AKAP13: variants seen among roughly 807,000 people sequenced by gnomAD.
The protein encoded by AKAP13 is A-kinase anchoring protein 13.
Under a neutral mutation model 264.5 loss-of-function variants are expected in AKAP13, and 80 were observed. The observed-to-expected ratio is 0.30, with a 90% CI of 0.25 to 0.36. AKAP13 has a LOEUF of 0.36. Among genes scored for constraint, AKAP13 ranks in the 10% least tolerant of loss-of-function variants. AKAP13 has a pLI of 1.00. For synonymous variants in AKAP13, 1,380 were observed against 1,250.2 expected, an observed-to-expected ratio of 1.10 and a Z score of -2.19; for missense variants, 3,712 against 3,435.2, an observed-to-expected ratio of 1.08 and a Z score of -2.01.
At chr15:85,406,703 C>T (rs1010371422) in intron 1 of AKAP13, among the ~76,000 whole-genome samples, 1 of 151,610 alleles carries the variant, frequency 6.6e-6, no homozygotes, top group Non-Finnish European at 1.5e-5. Context: ...TTTTAGGAGA[C>T]ATGAATTGGC....
At chr15:85,385,851 A>G (rs1465423235) in intron 1 of AKAP13, among the ~76,000 whole-genome samples, 5 of 152,020 alleles carry the variant, frequency 3.3e-5, no homozygotes, top group African/African-American at 4.8e-5. Flanking sequence ...TTCGAGATGG[A>G]GTTTGGCTCT....
rs549443606 is a variant in AKAP13, at chr15:85,404,856, G to C, written c.-12+24058G>C. On this transcript the variant is annotated intron_variant, in intron 1 of 36. Transcript: ENST00000394518. ...TTAATTTGCCTTTGTTTGACAAATT[G>C]TTACTATCTTTAAAGTTATTTTGCC... Among the ~76,000 whole-genome samples, 3 of 152,306 alleles carry C rather than the reference G, an allele frequency of 2.0e-5. No homozygotes were observed. In the South Asian group the frequency reaches 6.2e-4, roughly 32 times the overall value.
intron 35 of AKAP13, among the ~76,000 whole-genome samples, chr15:85,741,716 ACAAAC>A (rs1357712467): frequency 1.3e-5 from 1 of 78,404 alleles, no homozygotes. Context: ...AAAAAAAAAA[ACAAAC>A]AAACAAACAA....
chr15:85,642,457 A>G (rs534748849), intron 9 of AKAP13, among the ~76,000 whole-genome samples: 14 of 152,378 alleles, frequency 9.2e-5, no homozygotes, highest in Middle Eastern at 3.4e-3. Flanking sequence ...ATAGGAAGAA[A>G]GAAAAGATTT....
intron 1 of AKAP13, among the ~76,000 whole-genome samples, chr15:85,394,696 T>A (rs908962160): frequency 6.5e-4 from 99 of 152,252 alleles, no homozygotes; most frequent in African/African-American, 2.3e-3. Flanking sequence ...TAGTCCCAAT[T>A]TAGCTGGGTT....
At chr15:85,425,434 G>C (rs903473777) in intron 1 of AKAP13, among the ~76,000 whole-genome samples, 8 of 152,070 alleles carry the variant, frequency 5.3e-5, no homozygotes, top group African/African-American at 1.9e-4. Context: ...TTATACTAGA[G>C]GCTGGTCCTG....
At chr15:85,734,875 C>T in intron 30 of AKAP13, 117 bp from the exon 31 acceptor site, 2 of 1,361,176 alleles carry the variant, frequency 1.5e-6, no homozygotes, top group South Asian at 1.4e-5. Context: ...AGGAACTCAC[C>T]CAGTCACTCT....
chr15:85,677,080 G>T (rs957658195), intron 14 of AKAP13: 2 of 985,278 alleles, frequency 2.0e-6, no homozygotes, highest in Non-Finnish European at 2.4e-6. Flanking sequence ...TTCGAGTGAT[G>T]AGGAGGAGGA....
At chr15:85,692,686 T>A (rs1311276147) in intron 16 of AKAP13, among the ~76,000 whole-genome samples, 1 of 152,202 alleles carries the variant, frequency 6.6e-6, no homozygotes, top group East Asian at 1.9e-4. Context: ...AAAATTCTAA[T>A]TAGCAGAAAC....
intron 5 of AKAP13, among the ~76,000 whole-genome samples, chr15:85,573,011 A>G (rs1453763832): frequency 6.6e-6 from 1 of 152,140 alleles, no homozygotes; most frequent in African/African-American, 2.4e-5. Context: ...ATCCTTTTTT[A>G]TGGCTGCTAC....
intron 26 of AKAP13, chr15:85,726,008 C>A (rs534848449): frequency 3.9e-5 from 6 of 155,460 alleles, no homozygotes; most frequent in African/African-American, 1.4e-4. Flanking sequence ...AATTAGAAGT[C>A]GAAAAATATT....
intron 8 of AKAP13, among the ~76,000 whole-genome samples, chr15:85,625,405 AG>A (rs2081364094): frequency 6.6e-6 from 1 of 152,230 alleles, no homozygotes; most frequent in Non-Finnish European, 1.5e-5. Context: ...GCCTAGTCTC[AG>A]AACTGACTGA....
chr15:85,577,265 T>C (rs1272589146), intron 6 of AKAP13, among the ~76,000 whole-genome samples: 1 of 152,122 alleles, frequency 6.6e-6, no homozygotes, highest in African/African-American at 2.4e-5. Context: ...ACTGAGTGAG[T>C]AGGTGAATGA....
chr15:85,518,013 A>T (rs2076671734), intron 2 of AKAP13, among the ~76,000 whole-genome samples: 1 of 152,208 alleles, frequency 6.6e-6, no homozygotes, highest in Non-Finnish European at 1.5e-5. Context: ...AATGTCTTGA[A>T]TATTGCCCTT....
intron 1 of AKAP13, among the ~76,000 whole-genome samples, chr15:85,430,226 G>A (rs966406506): frequency 1.3e-5 from 2 of 152,186 alleles, no homozygotes; most frequent in African/African-American, 4.8e-5. Flanking sequence ...GGGCACCATT[G>A]TTTACTATAA....
At chr15:85,392,653 A>G (rs2070924348) in intron 1 of AKAP13, among the ~76,000 whole-genome samples, 1 of 151,372 alleles carries the variant, frequency 6.6e-6, no homozygotes, top group African/African-American at 2.4e-5. Context: ...TGGTCCTCCC[A>G]CTCCAGCCTT....
chr15:85,580,696 C>A lies in AKAP13; in HGVS notation c.2628C>A (p.Ala876=), dbSNP rs1195806464. 1 of 1,614,154 alleles carries A rather than the reference C, an allele frequency of 6.2e-7. No homozygotes were observed. The highest frequency in any genetic ancestry group is 1.1e-5 in the South Asian group (1 of 91,082). ...TGLGGEHEGP[A]PPAIPEALNI... is the part of the protein sequence containing the mutation. ...TTGGTGGAGAGCATGAGGGTCCCGC[C>A]CCTCCAGCAATCCCAGAAGCTCTGA... Residue 876 remains alanine, a synonymous_variant, in exon 7 of 37, where the codon GCC becomes GCA. Transcript: ENST00000394518.
At chr15:85,690,884 G>C (rs2085245266) in intron 16 of AKAP13, among the ~76,000 whole-genome samples, 1 of 152,162 alleles carries the variant, frequency 6.6e-6, no homozygotes, top group African/African-American at 2.4e-5. Flanking sequence ...ACATCTCTAA[G>C]CTTCAATCTC....
chr15:85,612,728 G>T (rs1256639027), intron 8 of AKAP13, among the ~76,000 whole-genome samples: 1 of 151,776 alleles, frequency 6.6e-6, no homozygotes, highest in Non-Finnish European at 1.5e-5. Flanking sequence ...GGAGGCTGAG[G>T]CAGGAGAATC....
Sources: gnomAD v4.1 joint callset for allele counts (sites outside exome capture counted in the v4.1 genomes callset) on GRCh38, gnomAD v4.1.1 for gene constraint, MANE v1.5 for transcripts, NCBI Gene and HGNC (gene_info 2026-07-23, HGNC 2026-07-21) for gene names.